The following ARID5B variants were observed in gnomAD, a reference collection of about 807,000 sequenced individuals.
ARID5B encodes the protein AT-rich interactive domain-containing protein 5B.
ARID5B carries 13 observed loss-of-function variants against 97.2 expected under a neutral mutation model. That is an observed-to-expected ratio of 0.13 (90% CI 0.09 to 0.21). The LOEUF is 0.21. ARID5B is among the 10% of genes least tolerant of loss of function. The pLI is 1.00. For missense variants in ARID5B, 1,210 were observed against 1,465.3 expected (o/e 0.83, Z 2.84); for synonymous variants, 556 against 570.3 (o/e 0.97, Z 0.36).
intron 4 of ARID5B, among the ~76,000 whole-genome samples, chr10:62,036,900 A>G (rs1363932281): frequency 6.6e-6 from 1 of 152,200 alleles, no homozygotes; most frequent in Non-Finnish European, 1.5e-5. Flanking sequence ...TCCTAAAGCT[A>G]TGGAATTCCA....
At chr10:62,016,063 G>A (rs182605723) in intron 4 of ARID5B, among the ~76,000 whole-genome samples, 43 of 152,320 alleles carry the variant, frequency 2.8e-4, no homozygotes, top group East Asian at 9.6e-4. Flanking sequence ...TGCGGCTAAG[G>A]TTCCATCACT....
intron 8 of ARID5B, among the ~76,000 whole-genome samples, chr10:62,081,954 T>C (rs191367705): frequency 6.6e-6 from 1 of 152,324 alleles, no homozygotes; most frequent in African/African-American, 2.4e-5. Flanking sequence ...ATCAAGGTTA[T>C]AATGCTATTG....
intron 8 of ARID5B, 105 bp downstream of exon 8, chr10:62,069,902 T>A: frequency 8.8e-7 from 1 of 1,139,002 alleles, no homozygotes; most frequent in Non-Finnish European, 1.2e-6. Context: ...TTTGGGAAAC[T>A]GAAAATTTCC....
At chr10:62,077,918 G>T (rs1215601474) in intron 8 of ARID5B, among the ~76,000 whole-genome samples, 1 of 152,018 alleles carries the variant, frequency 6.6e-6, no homozygotes, top group South Asian at 2.1e-4. Context: ...AAAGAAAAGG[G>T]AAAAAAAGTA....
chr10:61,943,478 C>T (rs10994979), intron 3 of ARID5B, among the ~76,000 whole-genome samples: 8 of 149,830 alleles, frequency 5.3e-5, no homozygotes, highest in Admixed American at 3.3e-4. Context: ...AGGCCCCCCC[C>T]CTTTTTTTCT....
At chr10:61,984,684 A>G (rs961911797) in intron 3 of ARID5B, among the ~76,000 whole-genome samples, 3 of 152,244 alleles carry the variant, frequency 2.0e-5, no homozygotes, top group Non-Finnish European at 4.4e-5. Flanking sequence ...ACCATGCATG[A>G]GCGCAGCCTC....
chr10:62,043,713 G>T (rs12357548), intron 4 of ARID5B, among the ~76,000 whole-genome samples: 5 of 151,948 alleles, frequency 3.3e-5, no homozygotes, highest in African/African-American at 4.8e-5. Flanking sequence ...AGAGAGAGAC[G>T]GCGGATCAGG....
intron 3 of ARID5B, among the ~76,000 whole-genome samples, chr10:61,941,410 G>A (rs911212866): frequency 2.6e-5 from 4 of 151,342 alleles, no homozygotes; most frequent in African/African-American, 9.7e-5. Flanking sequence ...TCCTCTTTAG[G>A]CAAAGAGGAA....
intron 4 of ARID5B, among the ~76,000 whole-genome samples, chr10:62,019,635 A>G (rs2132889461): frequency 6.6e-6 from 1 of 152,346 alleles, no homozygotes; most frequent in Non-Finnish European, 1.5e-5. Flanking sequence ...ACTACATGTC[A>G]GCACTTGAGG....
At chr10:61,967,171 T>A (rs1838557562) in intron 3 of ARID5B, among the ~76,000 whole-genome samples, 1 of 152,192 alleles carries the variant, frequency 6.6e-6, no homozygotes. Flanking sequence ...TGGTGTCATC[T>A]GCAAGTTTGA....
At chr10:62,032,670 G>A (rs1179489854) in intron 4 of ARID5B, among the ~76,000 whole-genome samples, 3 of 152,084 alleles carry the variant, frequency 2.0e-5, no homozygotes, top group South Asian at 2.1e-4. Context: ...AGCCAAGATC[G>A]TGCCACTGCA....
chr10:62,027,710 A>C (rs1839441037), intron 4 of ARID5B, among the ~76,000 whole-genome samples: 1 of 151,956 alleles, frequency 6.6e-6, no homozygotes, highest in African/African-American at 2.4e-5. Context: ...TTTCTCCCTT[A>C]AATATGAAAC....
intron 4 of ARID5B, among the ~76,000 whole-genome samples, chr10:62,005,101 T>G (rs536262224): frequency 6.6e-6 from 1 of 152,218 alleles, no homozygotes; most frequent in Non-Finnish European, 1.5e-5. Flanking sequence ...GTTTGGTCCA[T>G]GTGTAGACAC....
intron 4 of ARID5B, among the ~76,000 whole-genome samples, chr10:62,034,368 T>C (rs1384320610): frequency 2.6e-5 from 4 of 152,180 alleles, no homozygotes; most frequent in Non-Finnish European, 5.9e-5. Context: ...TGCATCTCAG[T>C]TTAATAGCAC....
At chr10:62,013,540 T>C (rs918008737) in intron 4 of ARID5B, among the ~76,000 whole-genome samples, 9 of 152,078 alleles carry the variant, frequency 5.9e-5, no homozygotes, top group South Asian at 2.1e-4. Context: ...ATGTCTCTTA[T>C]GTAACTGAAA....
chr10:62,077,576 T>A (rs895308162), intron 8 of ARID5B, among the ~76,000 whole-genome samples: 6 of 152,144 alleles, frequency 3.9e-5, no homozygotes, highest in Non-Finnish European at 7.4e-5. Context: ...TCGAGCTCCT[T>A]TATTGTCTCA....
intron 4 of ARID5B, among the ~76,000 whole-genome samples, chr10:62,045,083 A>T (rs1839689159): frequency 6.6e-6 from 1 of 152,262 alleles, no homozygotes; most frequent in Non-Finnish European, 1.5e-5. Flanking sequence ...GAATTTTTAA[A>T]TATTGGCTTT....
chr10:61,939,273 C>T (rs1047072150), intron 2 of ARID5B, among the ~76,000 whole-genome samples: 8 of 152,082 alleles, frequency 5.3e-5, no homozygotes, highest in Admixed American at 3.9e-4. Context: ...TAACTTAAAA[C>T]CCAGTGAGAT....
intron 3 of ARID5B, among the ~76,000 whole-genome samples, chr10:61,941,920 A>G (rs1844417489): frequency 6.6e-6 from 1 of 152,234 alleles, no homozygotes; most frequent in African/African-American, 2.4e-5. Flanking sequence ...GCTGAATAAT[A>G]CATCTGTTGT....
Sources: gnomAD v4.1 joint callset for allele counts (sites outside exome capture counted in the v4.1 genomes callset) on GRCh38, gnomAD v4.1.1 for gene constraint, MANE v1.5 for transcripts, NCBI Gene and HGNC (gene_info 2026-07-23, HGNC 2026-07-21) for gene names.